RALGAPA1: variants seen among roughly 807,000 people sequenced by gnomAD.
RALGAPA1 encodes Ral GTPase activating protein catalytic subunit alpha 1, also known as ral GTPase-activating protein subunit alpha-1.
A neutral mutation model predicts 269.6 loss-of-function variants in RALGAPA1; 52 were observed. The observed-to-expected ratio is 0.19, with a 90% CI of 0.15 to 0.24. The LOEUF (loss-of-function observed/expected upper bound fraction) is 0.24. RALGAPA1 is among the 10% of genes least tolerant of loss of function. The pLI, the probability that RALGAPA1 is intolerant of heterozygous loss-of-function variation, is 1.00. For synonymous variants in RALGAPA1, 817 were observed against 1,008.3 expected (o/e 0.81, Z 3.60); for missense variants, 1,917 against 3,013.9 (o/e 0.64, Z 8.52).
At position 35,760,917 on chromosome 14, in the gene RALGAPA1, G is replaced by A; in HGVS notation, c.459C>T (p.Cys153=). 2 of 1,610,948 alleles carry A rather than the reference G, an allele frequency of 1.2e-6. No homozygotes were observed. The highest frequency in any genetic ancestry group is 1.7e-6 in the Non-Finnish European group (2 of 1,177,406). Residue 153 remains cysteine, a synonymous_variant, in exon 6 of 42, where the codon TGC becomes TGT. Coordinates refer to ENST00000680220, the MANE Select transcript of RALGAPA1 (RefSeq NM_001346249.2). ...CSKEQLWMFS[C]LIPGFSAPQS... is the part of the protein sequence containing the mutation. ...GTGGTGCTGAAAATCCAGGGATTAA[G>A]CATGAAAACATCCAGAGCTGTTCTT... is the stretch of plus-strand genomic sequence containing the variant.
rs2057174371 is a variant in RALGAPA1, at chr14:35,571,363, T to C, written c.7369-619A>G. The stretch of plus-strand genomic sequence containing the variant: ...ATTTTGTGGTCACATGTTCTCTCTG[T>C]TGTATATTCTTCAATTTTTTTTTTT... On this transcript the variant is annotated intron_variant, in intron 38 of 41. Coordinates refer to ENST00000680220, the MANE Select transcript of RALGAPA1 (RefSeq NM_001346249.2). Among the ~76,000 whole-genome samples the C allele has an allele frequency of 2.0e-5, 3 of 150,296 alleles. No homozygotes were observed. In the South Asian group the frequency reaches 6.4e-4, roughly 32 times the overall value.
intron 37 of RALGAPA1, among the ~76,000 whole-genome samples, chr14:35,575,426 G>A (rs2057488798): frequency 6.6e-6 from 1 of 152,164 alleles, no homozygotes; most frequent in African/African-American, 2.4e-5. Flanking sequence ...ATGTGTACAA[G>A]TGAAGTCCTC....
intron 39 of RALGAPA1, among the ~76,000 whole-genome samples, chr14:35,561,859 T>C (rs1344135803): frequency 6.6e-6 from 1 of 152,094 alleles, no homozygotes; most frequent in Non-Finnish European, 1.5e-5. Context: ...CCTTCAATTA[T>C]GGAGCAGATT....
chr14:35,671,788 T>TCA (rs1281966020), intron 25 of RALGAPA1, among the ~76,000 whole-genome samples: 1 of 152,170 alleles, frequency 6.6e-6, no homozygotes, highest in African/African-American at 2.4e-5. Context: ...GCTCTTTGCT[T>TCA]CACAAGGTTA....
At chr14:35,746,036 G>A (rs10144734) in intron 10 of RALGAPA1, among the ~76,000 whole-genome samples, 26,492 of 151,992 alleles carry the variant, frequency 0.17, 4,261 homozygotes, top group East Asian at 0.45. Context: ...TCACACCACT[G>A]TACTCCAGCC....
chr14:35,612,600 G>A (rs369948239), intron 35 of RALGAPA1, among the ~76,000 whole-genome samples: 9 of 149,528 alleles, frequency 6.0e-5, no homozygotes, highest in Non-Finnish European at 1.2e-4. Flanking sequence ...GTGCAGTGGC[G>A]CAATCTCGGC....
At chr14:35,658,136 TA>T (rs1240022300) in intron 28 of RALGAPA1, among the ~76,000 whole-genome samples, 1 of 152,194 alleles carries the variant, frequency 6.6e-6, no homozygotes, top group African/African-American at 2.4e-5. Flanking sequence ...TGATGAGAAT[TA>T]AATGAAACAA....
intron 1 of RALGAPA1, among the ~76,000 whole-genome samples, chr14:35,790,124 GCA>G: frequency 6.6e-6 from 1 of 151,800 alleles, no homozygotes; most frequent in South Asian, 2.1e-4. Flanking sequence ...ATGGTGGCAT[GCA>G]CCTGTGGTCC....
chr14:35,728,282 C>A lies in RALGAPA1; in HGVS notation c.1736+80G>T, dbSNP rs866355044. 4 of 1,271,424 alleles carry A rather than the reference C, an allele frequency of 3.1e-6. No homozygotes were observed. In the South Asian group the frequency reaches 7.9e-5, roughly 25 times the overall value. 78.8% of individuals were successfully genotyped at this position (1,271,424 alleles called of 1,614,324 possible). A position where few individuals can be genotyped will look rare whatever the true frequency, so the allele number is the denominator to read the frequency against. On this transcript the variant is annotated intron_variant, in intron 13 of 41. Transcript: ENST00000680220. ...TAATACTGTAAACAAACCCTCTTCACAGACACTATTTCTCTAAAAATTACT... is the reference window on the plus strand; with the variant it reads ...TAATACTGTAAACAAACCCTCTTCAAAGACACTATTTCTCTAAAAATTACT...
intron 4 of RALGAPA1, among the ~76,000 whole-genome samples, chr14:35,769,065 T>TATATATATATATAC (rs1237249622): frequency 7.7e-5 from 6 of 77,788 alleles, no homozygotes; most frequent in African/African-American, 2.8e-4. Flanking sequence ...TATATATATA[T>TATATATATATATAC]ACACACACAT....
chr14:35,557,007 C>A (rs2055671216), intron 39 of RALGAPA1, among the ~76,000 whole-genome samples: 1 of 151,532 alleles, frequency 6.6e-6, no homozygotes, highest in East Asian at 1.9e-4. Context: ...AAATTTAAAC[C>A]TACCTAAAGG....
At position 35,736,632 on chromosome 14, in the gene RALGAPA1, C is replaced by T. The variant is rs575347083; in HGVS notation, c.1587+1881G>A. Among the ~76,000 whole-genome samples, 8 of 152,258 alleles carry T rather than the reference C, an allele frequency of 5.3e-5. No individual in the cohort carries two copies. In the South Asian group the frequency reaches 1.5e-3, roughly 28 times the overall value. ...ATTTCAATGGGGAAGGAATGATCTACTCTGTAAATGCTTCTGATAAATCAA... is the reference window on the plus strand; with the variant it reads ...ATTTCAATGGGGAAGGAATGATCTATTCTGTAAATGCTTCTGATAAATCAA... On this transcript the variant is annotated intron_variant, in intron 12 of 41. Transcript: ENST00000680220.
intron 35 of RALGAPA1, among the ~76,000 whole-genome samples, chr14:35,610,039 A>C (rs904709854): frequency 6.6e-6 from 1 of 151,738 alleles, no homozygotes; most frequent in African/African-American, 2.4e-5. Flanking sequence ...GAAGAGAAAA[A>C]CAATAGAGAA....
intron 4 of RALGAPA1, among the ~76,000 whole-genome samples, chr14:35,768,871 G>A (rs1251898695): frequency 6.6e-6 from 1 of 150,876 alleles, no homozygotes; most frequent in Non-Finnish European, 1.5e-5. Context: ...AGCCGGGTGT[G>A]GTGGTGCATG....
chr14:35,773,767 A>G (rs570710063), intron 3 of RALGAPA1, among the ~76,000 whole-genome samples: 4 of 152,330 alleles, frequency 2.6e-5, no homozygotes, highest in Admixed American at 2.6e-4. Flanking sequence ...ACTGCAGAAC[A>G]GATACTAACA....
chr14:35,601,100 G>A (rs890049569), intron 36 of RALGAPA1, among the ~76,000 whole-genome samples: 1 of 152,192 alleles, frequency 6.6e-6, no homozygotes, highest in African/African-American at 2.4e-5. Flanking sequence ...TGTGGAAGCA[G>A]GAGTTCTGGC....
chr14:35,736,177 T>C (rs10141671), intron 12 of RALGAPA1, among the ~76,000 whole-genome samples: 16,960 of 151,994 alleles, frequency 0.11, 1,569 homozygotes, highest in East Asian at 0.37. Flanking sequence ...TCTGTACACA[T>C]TATGAAGGGA....
At chr14:35,673,611 G>A (rs1218677528) in intron 24 of RALGAPA1, among the ~76,000 whole-genome samples, 1 of 151,786 alleles carries the variant, frequency 6.6e-6, no homozygotes, top group East Asian at 1.9e-4. Context: ...ACGGAGTTTC[G>A]CTCTCATCAC....
At position 35,748,831 on chromosome 14, in the gene RALGAPA1, T is replaced by C. The variant is rs201297427; in HGVS notation, c.1012-7A>G. The C allele has an allele frequency of 4.7e-6, 6 of 1,281,794 alleles. No homozygotes were observed. In the East Asian group the frequency reaches 1.9e-4, roughly 40 times the overall value. 79.4% of individuals were successfully genotyped at this position (1,281,794 alleles called of 1,614,324 possible). Reference sequence around the variant, plus strand: ...CTAAACTAGCAGCTGCTCTCTAAAATACAAAAAAAAAAAAAAAAGAGAGAA... The same window carrying C: ...CTAAACTAGCAGCTGCTCTCTAAAACACAAAAAAAAAAAAAAAAGAGAGAA... On this transcript the variant is annotated splice_region_variant and splice_polypyrimidine_tract_variant and intron_variant, in intron 9 of 41. Transcript: ENST00000680220.
Sources: gnomAD v4.1 joint callset for allele counts (sites outside exome capture counted in the v4.1 genomes callset) on GRCh38, gnomAD v4.1.1 for gene constraint, MANE v1.5 for transcripts, NCBI Gene and HGNC (gene_info 2026-07-23, HGNC 2026-07-21) for gene names.